STRN3: variants seen among roughly 807,000 people sequenced by gnomAD.
STRN3 encodes striatin 3, also known as striatin-3.
In STRN3, 29 loss-of-function variants were observed where a neutral mutation model predicts 95.6. That is an observed-to-expected ratio of 0.30 (90% CI 0.23 to 0.41). STRN3 has a LOEUF of 0.41. STRN3 is among the 10% of genes least tolerant of loss of function. The pLI, the probability that STRN3 is intolerant of heterozygous loss-of-function variation, is 1.00. For missense variants in STRN3, 890 were observed against 972.1 expected (o/e 0.92, Z 1.12); for synonymous variants, 331 against 357.6 (o/e 0.93, Z 0.84).
At chr14:30,900,454 G>A (rs1453317032) in intron 16 of STRN3, among the ~76,000 whole-genome samples, 5 of 148,744 alleles carry the variant, frequency 3.4e-5, no homozygotes, top group Admixed American at 6.7e-5. Context: ...GGGGGGGGGC[G>A]GTGTGTGTGT....
chr14:31,004,560 G>A (rs947895894), intron 1 of STRN3, among the ~76,000 whole-genome samples: 1 of 152,040 alleles, frequency 6.6e-6, no homozygotes, highest in Non-Finnish European at 1.5e-5. Flanking sequence ...GATCACCTGA[G>A]GTCAGGAGTT....
At position 30,969,155 on chromosome 14, in the gene STRN3, G is replaced by A. The variant is rs188293194; in HGVS notation, c.283-12913C>T. On this transcript the variant is annotated intron_variant, in intron 1 of 17. Coordinates refer to ENST00000357479, the MANE Select transcript of STRN3 (RefSeq NM_001083893.2). ...AAAAAAGGTTAAAAAGAGTCTATAA[G>A]CTGGGCGCAGTGGCTCACGCCTGTA... Among the ~76,000 whole-genome samples the A allele has an allele frequency of 4.2e-3, 647 of 152,260 alleles. 4 individuals are homozygous for A. Among genetic ancestry groups the A allele is most frequent in the African/African-American group, 6.5e-3 (272 of 41,536 alleles).
At chr14:30,957,998 C>A (rs1880003838) in intron 1 of STRN3, among the ~76,000 whole-genome samples, 1 of 150,646 alleles carries the variant, frequency 6.6e-6, no homozygotes, top group African/African-American at 2.4e-5. Flanking sequence ...AATAAAAACA[C>A]CTAAGTAATA....
At chr14:30,908,574 T>C (rs565507582) in intron 13 of STRN3, among the ~76,000 whole-genome samples, 1 of 152,288 alleles carries the variant, frequency 6.6e-6, no homozygotes, top group African/African-American at 2.4e-5. Context: ...AAAAGGAAAC[T>C]TTATATCATA....
At position 30,973,780 on chromosome 14, in the gene STRN3, A is replaced by G. The variant is rs991688966; in HGVS notation, c.283-17538T>C. On this transcript the variant is annotated intron_variant, in intron 1 of 17. Coordinates refer to ENST00000357479, the MANE Select transcript of STRN3 (RefSeq NM_001083893.2). ...TTAAAAGAATTACACATCGTGACCA[A>G]GAGGGATTTATTCCTGTAATGAAAG... is the stretch of plus-strand genomic sequence containing the variant. 2.6e-5 allele frequency among the ~76,000 whole-genome samples: 4 copies of G among 152,254 alleles called. No homozygotes were observed. The South Asian group carries it at 8.3e-4, about 31-fold the overall frequency.
intron 5 of STRN3, among the ~76,000 whole-genome samples, chr14:30,943,694 G>A (rs1305886207): frequency 6.6e-6 from 1 of 152,126 alleles, no homozygotes; most frequent in Non-Finnish European, 1.5e-5. Flanking sequence ...TTGGAATATC[G>A]TTGGTTATGA....
At chr14:30,908,846 T>C (rs1896534916) in intron 13 of STRN3, among the ~76,000 whole-genome samples, 1 of 152,236 alleles carries the variant, frequency 6.6e-6, no homozygotes. Context: ...CCCATTCTTA[T>C]AGTTTAATGT....
At chr14:30,933,799 T>C (rs560203829) in intron 7 of STRN3, among the ~76,000 whole-genome samples, 3 of 152,230 alleles carry the variant, frequency 2.0e-5, no homozygotes, top group East Asian at 1.9e-4. Flanking sequence ...AATAAGAAAA[T>C]TGGTGGCAAA....
At chr14:30,911,020 C>T (rs1482588070) in intron 13 of STRN3, 21 bp downstream of exon 13, 1 of 1,607,502 alleles carries the variant, frequency 6.2e-7, no homozygotes. Flanking sequence ...AAAAAAAATA[C>T]ATTTTGATCA....
At chr14:30,942,562 C>T (rs750210844) in intron 5 of STRN3, among the ~76,000 whole-genome samples, 8 of 152,126 alleles carry the variant, frequency 5.3e-5, no homozygotes, top group Non-Finnish European at 8.8e-5. Context: ...AAGAGGTGGG[C>T]GGGGAGCAAC....
At chr14:31,012,593 A>T (rs1000167794) in intron 1 of STRN3, among the ~76,000 whole-genome samples, 1 of 152,210 alleles carries the variant, frequency 6.6e-6, no homozygotes, top group Non-Finnish European at 1.5e-5. Context: ...GCAGCTGTTA[A>T]AAAGAAGTGA....
chr14:30,959,907 G>A (rs1880105876), intron 1 of STRN3, among the ~76,000 whole-genome samples: 1 of 152,120 alleles, frequency 6.6e-6, no homozygotes, highest in Admixed American at 6.5e-5. Context: ...AAACGGACTA[G>A]CTGACTACTG....
chr14:31,016,172 T>C (rs1883227004), intron 1 of STRN3, among the ~76,000 whole-genome samples: 1 of 152,148 alleles, frequency 6.6e-6, no homozygotes, highest in South Asian at 2.1e-4. Context: ...TTAAATATAA[T>C]CTTACCATAT....
chr14:30,907,181 T>C (rs555860473), intron 13 of STRN3, 137 bp from the exon 14 acceptor site: 12 of 901,240 alleles, frequency 1.3e-5, no homozygotes, highest in African/African-American at 8.4e-5. Context: ...AAAGTGTACA[T>C]AGTGGCTATA....
chr14:30,926,046 TA>T (rs1424395899), intron 8 of STRN3, among the ~76,000 whole-genome samples: 3 of 152,112 alleles, frequency 2.0e-5, no homozygotes, highest in African/African-American at 7.2e-5. Context: ...AGAAAGTTTT[TA>T]TTTTCTTAAA....
At position 30,935,287 on chromosome 14, in the gene STRN3, T is replaced by G; in HGVS notation, c.864A>C (p.Leu288Phe). 1 of 1,614,042 alleles carries G rather than the reference T, an allele frequency of 6.2e-7. No homozygotes were observed. The highest frequency in any genetic ancestry group is 8.5e-7 in the Non-Finnish European group (1 of 1,179,940). The part of the protein sequence containing the change: ...MNKHKIGNEG[L>F]AADLTDDPDT... Reference sequence around the variant, plus strand: ...CAGGATCGTCAGTTAGGTCAGCAGCTAAACCTTCATTACCTATCTGTAAAT... The same window carrying G: ...CAGGATCGTCAGTTAGGTCAGCAGCGAAACCTTCATTACCTATCTGTAAAT... The change falls in exon 7 of 18, where the codon TTA (leucine) becomes TTC (phenylalanine). Residue 288 changes from leucine to phenylalanine, a missense_variant. Around this residue, in one of 3 missense-constraint regions of STRN3, gnomAD observed 526 missense variants for 526.3 expected, o/e 1.00. Coordinates refer to ENST00000357479, the MANE Select transcript of STRN3 (RefSeq NM_001083893.2).
At chr14:30,900,763 G>T (rs903852430) in intron 16 of STRN3, among the ~76,000 whole-genome samples, 4 of 150,376 alleles carry the variant, frequency 2.7e-5, no homozygotes, top group African/African-American at 9.8e-5. Context: ...AAAAAAAAAA[G>T]GATTTTTTTT....
chr14:30,974,915 T>G (rs1044315332), intron 1 of STRN3, among the ~76,000 whole-genome samples: 1 of 151,376 alleles, frequency 6.6e-6, no homozygotes, highest in Admixed American at 6.6e-5. Context: ...TGACACAGAG[T>G]TGCCACAAAC....
intron 1 of STRN3, among the ~76,000 whole-genome samples, chr14:30,981,604 A>C (rs1022786826): frequency 1.3e-5 from 2 of 151,614 alleles, no homozygotes; most frequent in Admixed American, 1.3e-4. Context: ...ACACACACAC[A>C]CACCCCATAA....
Sources: allele counts gnomAD v4.1 joint callset (sites outside exome capture counted in the v4.1 genomes callset), GRCh38; gene constraint gnomAD v4.1.1; regional missense constraint gnomAD v4.1.1; transcripts MANE v1.5; gene names NCBI Gene and HGNC (gene_info 2026-07-23, HGNC 2026-07-21).